NDUFA12: variants seen among roughly 807,000 people sequenced by gnomAD.
NDUFA12 encodes the protein NADH dehydrogenase [ubiquinone] 1 alpha subcomplex subunit 12.
A neutral mutation model predicts 20.3 loss-of-function variants in NDUFA12; 17 were observed. The ratio of observed to expected loss-of-function variants is 0.84; its 90% CI spans 0.57 to 1.26. NDUFA12 has a LOEUF of 1.26. Ranked by LOEUF, NDUFA12 falls within the 50% of genes most tolerant of loss-of-function variation. NDUFA12 has a pLI of 0.00. For synonymous variants in NDUFA12, 72 were observed against 63.6 expected, an observed-to-expected ratio of 1.13 and a Z score of -0.63; for missense variants, 191 against 183.7, an observed-to-expected ratio of 1.04 and a Z score of -0.23.
intron 2 of NDUFA12, chr12:94,996,876 T>C (rs1874851378): frequency 1.0e-5 from 3 of 299,102 alleles, no homozygotes; most frequent in Non-Finnish European, 2.0e-5. Context: ...TTTGTAACAA[T>C]ACAGTGAGAA....
intron 3 of NDUFA12, among the ~76,000 whole-genome samples, chr12:94,982,270 CTTTTCTTTT>C (rs1165205696): frequency 1.3e-4 from 12 of 94,954 alleles, no homozygotes; most frequent in Non-Finnish European, 2.3e-4. Flanking sequence ...TTTTCTTTTT[CTTTTCTTTT>C]TTTTTTTTTT....
At chr12:94,973,213 T>C (rs1003055995) in intron 3 of NDUFA12, among the ~76,000 whole-genome samples, 1 of 152,160 alleles carries the variant, frequency 6.6e-6, no homozygotes, top group African/African-American at 2.4e-5. Context: ...AGAGATAAAA[T>C]ATGATTACAG....
intron 3 of NDUFA12, among the ~76,000 whole-genome samples, chr12:94,973,595 C>T (rs1031235919): frequency 1.1e-4 from 17 of 152,190 alleles, no homozygotes; most frequent in Non-Finnish European, 1.3e-4. Flanking sequence ...GTCAAGACTC[C>T]GGAAGGTTAA....
At chr12:94,990,176 C>T (rs1446681510) in intron 3 of NDUFA12, among the ~76,000 whole-genome samples, 1 of 151,696 alleles carries the variant, frequency 6.6e-6, no homozygotes, top group Non-Finnish European at 1.5e-5. Flanking sequence ...ACCATCATGG[C>T]ACATGTTTAC....
intron 1 of NDUFA12, 87 bp downstream of exon 1, chr12:95,003,508 A>G: frequency 1.4e-6 from 2 of 1,385,026 alleles, no homozygotes; most frequent in Non-Finnish European, 2.1e-6. Flanking sequence ...GGATTCTCCA[A>G]GGTGACCCGA....
intron 3 of NDUFA12, among the ~76,000 whole-genome samples, chr12:94,977,819 A>C (rs1218213105): frequency 6.6e-6 from 1 of 152,148 alleles, no homozygotes; most frequent in East Asian, 1.9e-4. Context: ...AAATAATATA[A>C]AAAAAATGTT....
intron 3 of NDUFA12, among the ~76,000 whole-genome samples, chr12:94,988,110 C>A (rs1394555649): frequency 6.6e-6 from 1 of 152,170 alleles, no homozygotes; most frequent in Admixed American, 6.6e-5. Flanking sequence ...ACATGAACTG[C>A]ATCTTTGGGT....
chr12:94,996,332 C>T (rs1304679194), intron 2 of NDUFA12, among the ~76,000 whole-genome samples: 61 of 92,728 alleles, frequency 6.6e-4, no homozygotes, highest in African/African-American at 2.2e-3. Flanking sequence ...GGTACACACA[C>T]ACACACACAC....
rs532117890 is a variant in NDUFA12, at chr12:94,995,592, C to T, written c.170-1335G>A. Among the ~76,000 whole-genome samples the T allele has an allele frequency of 1.2e-4, 18 of 152,262 alleles. 1 individual carries two copies. Among genetic ancestry groups the T allele is most frequent in the Admixed American group, 7.2e-4 (11 of 15,292 alleles). On this transcript the variant is annotated intron_variant, in intron 2 of 3. Coordinates refer to ENST00000327772, the MANE Select transcript of NDUFA12 (RefSeq NM_018838.5). ...TCGCCTAGGCTGGAGTGCAATGGCGCGGCCTCGGCTCACTGCCTGCAACCT... is the reference window on the plus strand; with the variant it reads ...TCGCCTAGGCTGGAGTGCAATGGCGTGGCCTCGGCTCACTGCCTGCAACCT...
At chr12:95,002,956 A>AT in intron 1 of NDUFA12, 135 bp from the exon 2 acceptor site, 1 of 751,556 alleles carries the variant, frequency 1.3e-6, no homozygotes. Flanking sequence ...AGTGCTGGGG[A>AT]TGGGAAAAGA....
intron 3 of NDUFA12, 56 bp downstream of exon 3, chr12:94,994,114 A>G: frequency 3.3e-6 from 5 of 1,502,778 alleles, no homozygotes; most frequent in Non-Finnish European, 4.6e-6. Flanking sequence ...ACAGAGTGAG[A>G]CCCTGTCTCA....
chr12:94,982,890 T>A (rs1389105181), intron 3 of NDUFA12, among the ~76,000 whole-genome samples: 1 of 152,194 alleles, frequency 6.6e-6, no homozygotes, highest in South Asian at 2.1e-4. Flanking sequence ...GGCATTTAAC[T>A]GAAGGTCATA....
intron 2 of NDUFA12, among the ~76,000 whole-genome samples, chr12:95,000,164 T>C (rs1874973804): frequency 6.6e-6 from 1 of 152,204 alleles, no homozygotes; most frequent in South Asian, 2.1e-4. Flanking sequence ...AAAGCAATAA[T>C]GGCCTTTGCA....
At chr12:94,984,553 A>C (rs527438574) in intron 3 of NDUFA12, among the ~76,000 whole-genome samples, 5 of 151,642 alleles carry the variant, frequency 3.3e-5, no homozygotes, top group Non-Finnish European at 7.4e-5. Context: ...AAAGCAACAA[A>C]AAAAAGCAAA....
chr12:94,983,389 C>T (rs80354288), intron 3 of NDUFA12, among the ~76,000 whole-genome samples: 1 of 152,314 alleles, frequency 6.6e-6, no homozygotes, highest in African/African-American at 2.4e-5. Context: ...ACTGTTCCTT[C>T]CACCTTGGTC....
intron 3 of NDUFA12, among the ~76,000 whole-genome samples, chr12:94,991,231 G>A (rs1169752092): frequency 2.6e-5 from 4 of 151,986 alleles, no homozygotes. Context: ...GACTGATTGT[G>A]CCATTGCTCT....
At chr12:94,996,819 C>CA (rs10654978) in intron 2 of NDUFA12, 20,838 of 153,128 alleles carry the variant, frequency 0.14, 1,875 homozygotes, top group African/African-American at 0.29. Context: ...AACTCTGTCT[C>CA]AAAAAAAAAA....
intron 2 of NDUFA12, among the ~76,000 whole-genome samples, chr12:95,000,647 G>C (rs975666672): frequency 6.6e-6 from 1 of 152,130 alleles, no homozygotes; most frequent in Admixed American, 6.6e-5. Flanking sequence ...AAGTTAACCA[G>C]GTCACAAAGT....
At position 95,003,626 on chromosome 12, in the gene NDUFA12, C is replaced by A. The variant is rs1209589238; in HGVS notation, c.55G>T (p.Gly19Cys). ...AAAACCCGTAGATAGCCTCGGAGAC[C>A]GCCGTGGCCGGTGATCTGCTGCAGC... ...RGLQQITGHG[G>C]LRGYLRVFFR... The change falls in exon 1 of 4, where the codon GGT (glycine) becomes TGT (cysteine). Residue 19 changes from glycine (G) to cysteine (C), a missense_variant. Transcript: ENST00000327772. 6.2e-7 allele frequency: 1 copy of A among 1,614,176 alleles called. No individual in the cohort carries two copies. The highest frequency in any genetic ancestry group is 8.5e-7 in the Non-Finnish European group (1 of 1,180,038).
Sources: allele counts gnomAD v4.1 joint callset (sites outside exome capture counted in the v4.1 genomes callset), GRCh38; gene constraint gnomAD v4.1.1; transcripts MANE v1.5; gene names NCBI Gene and HGNC (gene_info 2026-07-23, HGNC 2026-07-21).